MDH1: variants seen among roughly 807,000 people sequenced by gnomAD.
The protein encoded by MDH1 is malate dehydrogenase 1, also known as malate dehydrogenase, cytoplasmic.
Under a neutral mutation model 38.7 loss-of-function variants are expected in MDH1, and 15 were observed. The observed-to-expected ratio is 0.39, with a 90% CI of 0.26 to 0.60. The LOEUF is 0.60. MDH1 is among the 20% of genes least tolerant of loss of function. The pLI is 0.56. For synonymous variants in MDH1, 144 were observed against 143.6 expected (o/e 1.00, Z -0.02); for missense variants, 368 against 405.2 (o/e 0.91, Z 0.79).
chr2:63,603,655 C>CTTTTTTTTTTTTTTTTTTT (rs11297982), intron 5 of MDH1, among the ~76,000 whole-genome samples: 1 of 99,112 alleles, frequency 1.0e-5, no homozygotes, highest in Non-Finnish European at 1.9e-5. Context: ...CAAGACATTT[C>CTTTTTTTTTTTTTTTTTTT]TTTTTTTTTT....
intron 1 of MDH1, chr2:63,589,381 TA>T: frequency 6.4e-7 from 1 of 1,550,574 alleles, no homozygotes; most frequent in Non-Finnish European, 8.7e-7. Context: ...ATAAGGACGA[TA>T]AGGTTTGCGA....
At chr2:63,605,462 G>T (rs1709510715) in intron 7 of MDH1, 69 bp downstream of exon 7, 2 of 1,115,476 alleles carry the variant, frequency 1.8e-6, no homozygotes, top group Non-Finnish European at 1.4e-6. Flanking sequence ...AATATAAAAA[G>T]AATATAGCCT....
At chr2:63,593,485 C>T (rs536370491) in intron 1 of MDH1, 47 of 460,572 alleles carry the variant, frequency 1.0e-4, no homozygotes, top group Middle Eastern at 3.3e-4. Flanking sequence ...AGCTTAGTGT[C>T]AGAAGCTTGA....
intron 1 of MDH1, among the ~76,000 whole-genome samples, chr2:63,589,635 C>T (rs2106591325): frequency 6.6e-6 from 1 of 152,328 alleles, no homozygotes. Flanking sequence ...GTGACAGCAT[C>T]ACTAACTAAA....
chr2:63,598,605 A>G (rs182000457), intron 4 of MDH1, among the ~76,000 whole-genome samples: 52 of 152,310 alleles, frequency 3.4e-4, no homozygotes, highest in Non-Finnish European at 6.0e-4. Flanking sequence ...TATCAATAAC[A>G]TTTCATAGAT....
At chr2:63,594,703 T>C in intron 2 of MDH1, 117 bp downstream of exon 2, 1 of 716,396 alleles carries the variant, frequency 1.4e-6, no homozygotes, top group East Asian at 2.8e-5. Context: ...TCCCAGTAAA[T>C]GTAATAGGCA....
intron 1 of MDH1, among the ~76,000 whole-genome samples, chr2:63,593,996 T>G (rs938229776): frequency 1.3e-5 from 2 of 152,208 alleles, no homozygotes; most frequent in Non-Finnish European, 2.9e-5. Flanking sequence ...ATAAAAAATC[T>G]TGTTTTTCCT....
chr2:63,594,467 A>T lies in MDH1; in HGVS notation c.4-21A>T, dbSNP rs764060722. Reference sequence around the variant, plus strand: ...AGGTACAGTAGTACTTAAAGATGTTAATGGGTCTTTTTCATTACAGTCTGA... The same window carrying T: ...AGGTACAGTAGTACTTAAAGATGTTTATGGGTCTTTTTCATTACAGTCTGA... On this transcript the variant is annotated intron_variant, in intron 1 of 8. Coordinates refer to ENST00000233114, the MANE Select transcript of MDH1 (RefSeq NM_005917.4). The T allele has an allele frequency of 3.2e-6, 5 of 1,548,744 alleles. No homozygotes were observed. The South Asian group carries it at 4.5e-5, about 14-fold the overall frequency.
At chr2:63,592,761 G>C (rs1258695327) in intron 1 of MDH1, among the ~76,000 whole-genome samples, 2 of 152,174 alleles carry the variant, frequency 1.3e-5, no homozygotes, top group Non-Finnish European at 2.9e-5. Flanking sequence ...ACAGGACCCA[G>C]CTATTCCTTC....
At chr2:63,598,349 G>A (rs1434241869) in intron 4 of MDH1, among the ~76,000 whole-genome samples, 9 of 152,040 alleles carry the variant, frequency 5.9e-5, no homozygotes, top group South Asian at 2.1e-4. Context: ...GGCTGGTCTC[G>A]AACTCCTGAC....
In MDH1 at chr2:63,597,303, A is replaced by G. The variant is rs1035586319; in HGVS notation, c.200-96A>G. 29 of 1,276,620 alleles carry G rather than the reference A, an allele frequency of 2.3e-5. No individual in the cohort carries two copies. In the East Asian group the frequency reaches 4.9e-4, roughly 21 times the overall value. 79.1% of individuals were successfully genotyped at this position (1,276,620 alleles called of 1,614,324 possible). A position where few individuals can be genotyped will look rare whatever the true frequency, so the allele number is the denominator to read the frequency against. Reference sequence around the variant, plus strand: ...TCAGTGTGATATGTAAACACTTGCAACAAGTGAAAGAATTAATGGGTAGAT... The same window carrying G: ...TCAGTGTGATATGTAAACACTTGCAGCAAGTGAAAGAATTAATGGGTAGAT... On this transcript the variant is annotated intron_variant, in intron 3 of 8. Coordinates refer to ENST00000233114, the MANE Select transcript of MDH1 (RefSeq NM_005917.4).
intron 5 of MDH1, among the ~76,000 whole-genome samples, chr2:63,601,919 T>C (rs748270630): frequency 1.3e-5 from 2 of 152,212 alleles, no homozygotes; most frequent in African/African-American, 4.8e-5. Flanking sequence ...TAAGAGCAGT[T>C]TCTTCCCCAG....
chr2:63,596,395 C>T (rs759561682), intron 3 of MDH1, among the ~76,000 whole-genome samples: 1 of 152,338 alleles, frequency 6.6e-6, no homozygotes, highest in Non-Finnish European at 1.5e-5. Flanking sequence ...ACTGCCCACA[C>T]TATTCTGTTG....
intron 5 of MDH1, among the ~76,000 whole-genome samples, chr2:63,602,136 A>G (rs1709431006): frequency 6.6e-6 from 1 of 152,222 alleles, no homozygotes. Flanking sequence ...AGTGATTTAC[A>G]ATATCACAAA....
chr2:63,598,896 C>CAAAAAAAAA (rs1333463606), intron 4 of MDH1, among the ~76,000 whole-genome samples: 1 of 72,230 alleles, frequency 1.4e-5, no homozygotes, highest in African/African-American at 4.8e-5. Context: ...AAAGAGGTAC[C>CAAAAAAAAA]AAAAAAAAAA....
At chr2:63,593,862 T>C (rs1709250782) in intron 1 of MDH1, among the ~76,000 whole-genome samples, 1 of 152,240 alleles carries the variant, frequency 6.6e-6, no homozygotes, top group Non-Finnish European at 1.5e-5. Context: ...TATGTCTGTA[T>C]TTTGTTCAGG....
intron 5 of MDH1, 119 bp from the exon 6 acceptor site, chr2:63,604,577 G>C: frequency 1.3e-6 from 1 of 775,744 alleles, no homozygotes; most frequent in Non-Finnish European, 2.0e-6. Flanking sequence ...TATAACTCTT[G>C]TGTTCTCTTG....
Position 63,593,548 on chromosome 2 carries a change from A to G in MDH1, c.4-940A>G, listed in dbSNP as rs1192078010. 4.2e-6 allele frequency: 2 copies of G among 471,110 alleles called. 1 individual carries two copies. The highest frequency in any genetic ancestry group is 3.1e-5 in the South Asian group (2 of 64,566). 29.2% of individuals were successfully genotyped at this position (471,110 alleles called of 1,614,324 possible). On this transcript the variant is annotated intron_variant, in intron 1 of 8. Transcript: ENST00000233114. ...GTTTCGTCTCAGAGACGTGACTCTC[A>G]TCTGGAAGAAGGAACTTTAAGTAAA...
chr2:63,603,264 C>G (rs575953457), intron 5 of MDH1, among the ~76,000 whole-genome samples: 5 of 152,026 alleles, frequency 3.3e-5, no homozygotes, highest in Admixed American at 6.6e-5. Context: ...CATATTTAAC[C>G]ATTCTTGAAC....
Sources: gnomAD v4.1 joint callset for allele counts (sites outside exome capture counted in the v4.1 genomes callset) on GRCh38, gnomAD v4.1.1 for gene constraint, MANE v1.5 for transcripts, NCBI Gene and HGNC (gene_info 2026-07-23, HGNC 2026-07-21) for gene names.